The following RASA2 variants were observed in gnomAD, a reference collection of about 807,000 sequenced individuals.
RASA2 encodes RAS p21 protein activator 2.
RASA2 carries 155 observed loss-of-function variants against 118.2 expected under a neutral mutation model. The observed-to-expected ratio is 1.31, with a 90% CI of 1.15 to 1.50. The LOEUF (loss-of-function observed/expected upper bound fraction) is 1.50, where lower values mean the gene tolerates loss of function less well. RASA2 is among the 40% of genes most tolerant of loss of function. The probability of loss-of-function intolerance (pLI) is 0.00; values close to 1 mark genes in which losing one functional copy is unlikely to be tolerated. For synonymous variants in RASA2, 353 were observed against 349.1 expected, an observed-to-expected ratio of 1.01 and a Z score of -0.12; for missense variants, 1,016 against 1,009.6, an observed-to-expected ratio of 1.01 and a Z score of -0.09.
At chr3:141,539,175 A>G (rs1258415083) in intron 4 of RASA2, among the ~76,000 whole-genome samples, 3 of 152,238 alleles carry the variant, frequency 2.0e-5, no homozygotes, top group African/African-American at 7.2e-5. Flanking sequence ...TCACCCTTGA[A>G]TAGTAGAGAT....
intron 1 of RASA2, among the ~76,000 whole-genome samples, chr3:141,489,843 T>C (rs1356104931): frequency 1.3e-5 from 2 of 152,092 alleles, no homozygotes; most frequent in Non-Finnish European, 2.9e-5. Context: ...TATTTGTCTA[T>C]TGGACAAGAG....
chr3:141,571,201 C>A, intron 10 of RASA2, 133 bp downstream of exon 10: 1 of 1,096,318 alleles, frequency 9.1e-7, no homozygotes, highest in Non-Finnish European at 1.3e-6. Context: ...TATATATACA[C>A]ACACACATTT....
At chr3:141,492,516 A>G (rs2081651178) in intron 1 of RASA2, among the ~76,000 whole-genome samples, 1 of 152,252 alleles carries the variant, frequency 6.6e-6, no homozygotes, top group Non-Finnish European at 1.5e-5. Flanking sequence ...ACAGAGAACC[A>G]TAAATGACAA....
chr3:141,517,745 C>T (rs1271488668), intron 3 of RASA2, among the ~76,000 whole-genome samples: 1 of 152,158 alleles, frequency 6.6e-6, no homozygotes, highest in African/African-American at 2.4e-5. Flanking sequence ...GCTCCGCCTC[C>T]TGGGTTCACG....
intron 5 of RASA2, among the ~76,000 whole-genome samples, chr3:141,541,879 G>C (rs1024523664): frequency 1.3e-5 from 2 of 151,202 alleles, no homozygotes; most frequent in African/African-American, 4.9e-5. Flanking sequence ...TCTGTTTGCA[G>C]CTTTTTCTCC....
At chr3:141,499,368 C>T (rs1371280690) in intron 1 of RASA2, among the ~76,000 whole-genome samples, 1 of 152,148 alleles carries the variant, frequency 6.6e-6, no homozygotes, top group East Asian at 1.9e-4. Flanking sequence ...TACCACTATA[C>T]AGGATTGCCT....
intron 7 of RASA2, among the ~76,000 whole-genome samples, chr3:141,557,988 G>A (rs2082673789): frequency 6.6e-6 from 1 of 152,130 alleles, no homozygotes; most frequent in African/African-American, 2.4e-5. Context: ...CTTAATATGA[G>A]TGATAGTTAT....
Position 141,516,311 on chromosome 3 carries a change from T to C in RASA2, c.252-17T>C, listed in dbSNP as rs771427714. The C allele has an allele frequency of 2.0e-6, 3 of 1,518,406 alleles. No individual in the cohort carries two copies. In the Admixed American group the frequency reaches 6.4e-5, roughly 32 times the overall value. 94.1% of individuals were successfully genotyped at this position (1,518,406 alleles called of 1,614,324 possible). On this transcript the variant is annotated splice_polypyrimidine_tract_variant and intron_variant, in intron 2 of 23. Coordinates refer to ENST00000286364, the MANE Select transcript of RASA2 (RefSeq NM_006506.5). ...TTTTATATTATTTGAAGTAATGAGC[T>C]TTCCTTTTCTTTCTAGCCCATTTTT...
In RASA2 at chr3:141,612,425, A is replaced by G; in HGVS notation, c.*112A>G. The G allele has an allele frequency of 1.3e-6, 1 of 779,380 alleles. No individual in the cohort carries two copies. The highest frequency in any genetic ancestry group is 1.8e-5 in the South Asian group (1 of 54,388). 48.3% of individuals were successfully genotyped at this position (779,380 alleles called of 1,614,324 possible). A position where few individuals can be genotyped will look rare whatever the true frequency, so the allele number is the denominator to read the frequency against. On this transcript the variant is annotated 3_prime_UTR_variant, in exon 24 of 24. Coordinates refer to ENST00000286364, the MANE Select transcript of RASA2 (RefSeq NM_006506.5). ...AAGAATGAGCATCCGCTTCAATGTC[A>G]TCTGCCTCCACATTGTATTTAATAT...
intron 5 of RASA2, among the ~76,000 whole-genome samples, chr3:141,551,079 T>C (rs2082567875): frequency 6.6e-6 from 1 of 152,234 alleles, no homozygotes; most frequent in South Asian, 2.1e-4. Context: ...GATTTTTCTT[T>C]TCATTATGGA....
rs187802439 is a variant in RASA2, at chr3:141,589,034, G to T, written c.1933+2282G>T. Among the ~76,000 whole-genome samples the T allele has an allele frequency of 6.2e-3, 947 of 152,122 alleles. 15 individuals are homozygous for T. The highest frequency in any genetic ancestry group is 0.024 in the East Asian group (124 of 5,160). On this transcript the variant is annotated intron_variant, in intron 19 of 23. Transcript: ENST00000286364. ...TTTTTATATTTTTAGTGGAGACAGGGTTTCACCATGTTGGCCAGGCTGGTC... is the reference window on the plus strand; with the variant it reads ...TTTTTATATTTTTAGTGGAGACAGGTTTTCACCATGTTGGCCAGGCTGGTC...
At chr3:141,498,280 GTCTT>G (rs1376834514) in intron 1 of RASA2, among the ~76,000 whole-genome samples, 3 of 152,132 alleles carry the variant, frequency 2.0e-5, no homozygotes, top group Non-Finnish European at 4.4e-5. Context: ...TTTTCAGAAA[GTCTT>G]TATGTTACCA....
At chr3:141,551,488 T>C (rs969046714) in intron 5 of RASA2, among the ~76,000 whole-genome samples, 2 of 152,240 alleles carry the variant, frequency 1.3e-5, no homozygotes, top group African/African-American at 4.8e-5. Flanking sequence ...GTGGGGATTC[T>C]TGTAGCTCCC....
intron 12 of RASA2, 52 bp downstream of exon 12, chr3:141,572,775 C>A (rs1409205180): frequency 7.5e-7 from 1 of 1,339,342 alleles, no homozygotes; most frequent in Non-Finnish European, 1.0e-6. Context: ...GATAGTTGTT[C>A]TTTTATCAAG....
chr3:141,603,952 A>G (rs1488213213), intron 19 of RASA2, among the ~76,000 whole-genome samples: 1 of 152,210 alleles, frequency 6.6e-6, no homozygotes, highest in East Asian at 1.9e-4. Context: ...TCTCTTTTAC[A>G]GATAATACCA....
At chr3:141,599,074 C>T (rs912942019) in intron 19 of RASA2, among the ~76,000 whole-genome samples, 13 of 151,846 alleles carry the variant, frequency 8.6e-5, no homozygotes, top group Non-Finnish European at 1.9e-4. Context: ...GGCGACAGAG[C>T]GAGACTCTGT....
intron 4 of RASA2, 86 bp from the exon 5 acceptor site, chr3:141,540,447 T>C (rs2082389429): frequency 9.2e-7 from 1 of 1,085,316 alleles, no homozygotes; most frequent in South Asian, 1.4e-5. Context: ...AGTGGATAAA[T>C]ACTGTGGTGA....
chr3:141,563,072 A>G (rs1197228786), intron 9 of RASA2, among the ~76,000 whole-genome samples: 2 of 152,208 alleles, frequency 1.3e-5, no homozygotes, highest in African/African-American at 4.8e-5. Flanking sequence ...TTTTAATTAC[A>G]CAGACCCTAT....
chr3:141,563,163 T>C (rs574810022), intron 9 of RASA2, among the ~76,000 whole-genome samples: 1 of 152,222 alleles, frequency 6.6e-6, no homozygotes, highest in Non-Finnish European at 1.5e-5. Context: ...AAGGATTGCT[T>C]TTATGCCTGT....
Sources: gnomAD v4.1 joint callset for allele counts (sites outside exome capture counted in the v4.1 genomes callset) on GRCh38, gnomAD v4.1.1 for gene constraint, MANE v1.5 for transcripts, NCBI Gene and HGNC (gene_info 2026-07-23, HGNC 2026-07-21) for gene names.